DMD: variants seen among roughly 807,000 people sequenced by gnomAD.
DMD encodes the protein mutant dystrophin.
A neutral mutation model predicts 330.1 loss-of-function variants in DMD; 63 were observed. The observed-to-expected ratio is 0.19, with a 90% CI of 0.16 to 0.24. The LOEUF is 0.24. DMD is among the 10% of genes least tolerant of loss of function. DMD has a pLI of 1.00. For missense variants in DMD, 3,344 were observed against 2,684.1 expected, an observed-to-expected ratio of 1.25 and a Z score of -5.43; for synonymous variants, 1,223 against 959.8, an observed-to-expected ratio of 1.27 and a Z score of -5.07.
intron 59 of DMD, among the ~76,000 whole-genome samples, chrX:31,461,230 C>T (rs141888345): frequency 0.013 from 1,425 of 111,461 alleles, 23 homozygotes; most frequent in African/African-American, 0.044. Context: ...ATTGAAGAAA[C>T]GCTAACACTA....
chrX:32,509,834 A>T (rs1209976855), intron 18 of DMD, among the ~76,000 whole-genome samples: 1 of 111,373 alleles, frequency 9.0e-6, no homozygotes, highest in Non-Finnish European at 1.9e-5. Flanking sequence ...CCTAGGCCTC[A>T]ATCTGTGTTT....
chrX:31,319,332 A>G (rs1275144756), intron 62 of DMD, among the ~76,000 whole-genome samples: 3 of 112,378 alleles, frequency 2.7e-5, no homozygotes, highest in African/African-American at 9.7e-5. Flanking sequence ...TTAGTAGGGG[A>G]ATGTGAGGCT....
intron 1 of DMD, among the ~76,000 whole-genome samples, chrX:33,130,047 G>A (rs185284983): frequency 1.7e-3 from 192 of 111,927 alleles, no homozygotes; most frequent in African/African-American, 5.7e-3. Context: ...AAACAGGAAT[G>A]ATGGGAAAAT....
At chrX:32,717,603 A>AGGGTAATGTGGGGT (rs1174264490) in intron 7 of DMD, among the ~76,000 whole-genome samples, 8 of 111,700 alleles carry the variant, frequency 7.2e-5, no homozygotes, top group Non-Finnish European at 1.5e-4. Flanking sequence ...GAGCTCTCAC[A>AGGGTAATGTGGGGT]CAGAGTCCCC....
intron 7 of DMD, among the ~76,000 whole-genome samples, chrX:32,734,451 GAC>G (rs1368556907): frequency 7.5e-5 from 8 of 107,318 alleles, no homozygotes; most frequent in African/African-American, 2.9e-4. Context: ...GCCTGGCAGA[GAC>G]ACAACCAAAA....
chrX:32,209,855 G>A (rs1156577965), intron 44 of DMD, among the ~76,000 whole-genome samples: 4 of 111,365 alleles, frequency 3.6e-5, no homozygotes, highest in African/African-American at 9.8e-5. Context: ...GCTGGACAAC[G>A]GAAGTCTAAT....
chrX:32,683,247 G>T (rs182690578), intron 9 of DMD, among the ~76,000 whole-genome samples: 102 of 110,518 alleles, frequency 9.2e-4, no homozygotes, highest in African/African-American at 3.1e-3. Flanking sequence ...ATTCCTCAGG[G>T]ATCTAGAACT....
In DMD at chrX:33,059,728, ACTT is replaced by A. The variant is rs775004823; in HGVS notation, c.32-39531_32-39529del. Among the ~76,000 whole-genome samples the A allele has an allele frequency of 8.2e-3, 919 of 111,931 alleles. 7 individuals are homozygous for A. Among genetic ancestry groups the A allele is most frequent in the African/African-American group, 0.027 (847 of 30,846 alleles). ...TAAAAGCAATGAATTTCCTACAAAT[ACTT>A]CTTCTTGGTTTTGAAGGTATGTTAT... is the stretch of plus-strand genomic sequence containing the variant. On this transcript the variant is annotated intron_variant, in intron 1 of 78. Transcript: ENST00000357033.
At chrX:31,201,197 ACG>A (rs1556209897) in intron 67 of DMD, among the ~76,000 whole-genome samples, 7 of 107,277 alleles carry the variant, frequency 6.5e-5, no homozygotes, top group Admixed American at 2.0e-4. Flanking sequence ...ACACACACAC[ACG>A]CACACACACA....
chrX:32,842,615 T>G (rs2080267845), intron 4 of DMD, among the ~76,000 whole-genome samples: 1 of 110,981 alleles, frequency 9.0e-6, no homozygotes, highest in African/African-American at 3.3e-5. Flanking sequence ...TGGCTCTTTG[T>G]TCCCTTGTGT....
At chrX:33,242,131 G>A (rs1439788420) in intron 1 of DMD, among the ~76,000 whole-genome samples, 3 of 111,522 alleles carry the variant, frequency 2.7e-5, no homozygotes, top group Non-Finnish European at 3.8e-5. Context: ...TTTTCCCTAA[G>A]TTATTGGGGT....
At chrX:32,869,611 T>G (rs1446983506) in intron 2 of DMD, among the ~76,000 whole-genome samples, 2 of 108,534 alleles carry the variant, frequency 1.8e-5, no homozygotes, top group East Asian at 5.8e-4. Flanking sequence ...ACCGCAAGTA[T>G]CAATAACCAA....
intron 30 of DMD, among the ~76,000 whole-genome samples, chrX:32,393,957 G>A (rs182696227): frequency 9.0e-6 from 1 of 111,232 alleles, no homozygotes; most frequent in Non-Finnish European, 1.9e-5. Context: ...AGCAGAAATC[G>A]TATTTTCAAG....
At chrX:33,268,348 A>G (rs889667714) in intron 1 of DMD, among the ~76,000 whole-genome samples, 2 of 111,517 alleles carry the variant, frequency 1.8e-5, no homozygotes, top group African/African-American at 6.5e-5. Context: ...AAAATTGACA[A>G]GAGGGACCTA....
chrX:33,121,376 G>T (rs752391330), intron 1 of DMD, among the ~76,000 whole-genome samples: 1 of 109,986 alleles, frequency 9.1e-6, no homozygotes, highest in African/African-American at 3.3e-5. Context: ...GACTACAGGC[G>T]CATGCCACCA....
At chrX:32,736,160 A>G (rs1425867656) in intron 7 of DMD, among the ~76,000 whole-genome samples, 1 of 112,558 alleles carries the variant, frequency 8.9e-6, no homozygotes, top group Non-Finnish European at 1.9e-5. Flanking sequence ...AAGACACATG[A>G]AAAAATGCTC....
chrX:32,740,035 C>G (rs1278066377), intron 7 of DMD, among the ~76,000 whole-genome samples: 1 of 109,607 alleles, frequency 9.1e-6, no homozygotes, highest in Non-Finnish European at 1.9e-5. Context: ...CCTACTTGTA[C>G]TTTGATATGG....
intron 63 of DMD, among the ~76,000 whole-genome samples, chrX:31,241,226 C>T (rs1049128687): frequency 1.8e-5 from 2 of 111,680 alleles, no homozygotes; most frequent in African/African-American, 6.5e-5. Context: ...GCCACTGTCC[C>T]CTCTCAGGAA....
rs144631667 is a variant in DMD, at chrX:33,000,130, T to C, written c.93+20009A>G. On this transcript the variant is annotated intron_variant, in intron 2 of 78. Transcript: ENST00000357033. Reference sequence around the variant, plus strand: ...TATTTTGTGTTTTTTTTCTTACTGCTTTGGAGTATTGAAAGGAGTTTTAGT... The same window carrying C: ...TATTTTGTGTTTTTTTTCTTACTGCCTTGGAGTATTGAAAGGAGTTTTAGT... 8.9e-3 allele frequency among the ~76,000 whole-genome samples: 1,003 copies of C among 112,128 alleles called. 12 individuals carry two copies. Among genetic ancestry groups the C allele is most frequent in the African/African-American group, 0.03 (911 of 30,839 alleles).
Sources: gnomAD v4.1 joint callset for allele counts (sites outside exome capture counted in the v4.1 genomes callset) on GRCh38, gnomAD v4.1.1 for gene constraint, MANE v1.5 for transcripts, NCBI Gene and HGNC (gene_info 2026-07-23, HGNC 2026-07-21) for gene names.